Variants in TIAM2 observed in about 807,000 individuals in gnomAD.
TIAM2 encodes rho guanine nucleotide exchange factor TIAM2.
TIAM2 carries 80 observed loss-of-function variants against 152.9 expected under a neutral mutation model. The observed-to-expected ratio is 0.52, with a 90% confidence interval of 0.44 to 0.63. The LOEUF (loss-of-function observed/expected upper bound fraction) is 0.63. Among genes scored for constraint, TIAM2 ranks in the 30% least tolerant of loss-of-function variants. TIAM2 has a pLI of 0.00. For synonymous variants in TIAM2, 804 were observed against 838.0 expected (o/e 0.96, Z 0.70); for missense variants, 1,965 against 2,120.1 (o/e 0.93, Z 1.44).
At position 155,257,564 on chromosome 6, in the gene TIAM2, A is replaced by C. The variant is rs529764198; in HGVS notation, c.*443A>C. 4.6e-5 allele frequency: 17 copies of C among 373,192 alleles called. No homozygotes were observed. The Admixed American group carries it at 5.9e-4, about 13-fold the overall frequency. The allele number at this position is 373,192 out of a possible 1,614,324, so 23.1% of individuals were successfully genotyped here. A position where few individuals can be genotyped will look rare whatever the true frequency, so the allele number is the denominator to read the frequency against. Reference sequence around the variant, plus strand: ...TGTGGTTTAGGGGCAAAATGTGCAGATACTTCATTTTTGTAAGATAGATTG... The same window carrying C: ...TGTGGTTTAGGGGCAAAATGTGCAGCTACTTCATTTTTGTAAGATAGATTG... On this transcript the variant is annotated 3_prime_UTR_variant, in exon 27 of 27. Coordinates refer to ENST00000682666, the MANE Select transcript of TIAM2 (RefSeq NM_012454.4).
rs145410929 is a variant in TIAM2 at position 155,040,020 on chromosome 6, A to C, written c.-209+44528A>C. Among the ~76,000 whole-genome samples, 13 of 152,350 alleles carry C rather than the reference A, an allele frequency of 8.5e-5. 2 individuals are homozygous for C. Among genetic ancestry groups the C allele is most frequent in the African/African-American group, 3.1e-4 (13 of 41,582 alleles). On this transcript the variant is annotated intron_variant, in intron 1 of 26. Transcript: ENST00000682666. ...ATTTGTACTGTAATTTGTTATTACA[A>C]AGTGACCCTTGACCAAAACCAATTA...
intron 26 of TIAM2, 110 bp downstream of exon 26, chr6:155,254,683 G>T: frequency 1.4e-6 from 2 of 1,390,296 alleles, no homozygotes; most frequent in Non-Finnish European, 9.8e-7. Flanking sequence ...AGTCATCGAG[G>T]TACCTTTATC....
In TIAM2 at chr6:155,244,038, T is replaced by C. The variant is rs760122764; in HGVS notation, c.3376T>C (p.Leu1126=). The C allele has an allele frequency of 2.5e-6, 4 of 1,614,126 alleles. No individual in the cohort carries two copies. The South Asian group carries it at 4.4e-5, about 18-fold the overall frequency. The change falls in exon 17 of 27, where the codon TTG becomes CTG. Residue 1126 remains leucine (L), a synonymous_variant. Transcript: ENST00000682666. ...KDLSCLFELY[L]EPLQNETFLT... Reference sequence around the variant, plus strand: ...TTTGAGCTGCCTCTTTGAATTATACTTGGAGCCACTTCAGAATGAGACCTT... The same window carrying C: ...TTTGAGCTGCCTCTTTGAATTATACCTGGAGCCACTTCAGAATGAGACCTT...
At chr6:155,128,055 C>T (rs184649471) in intron 3 of TIAM2, among the ~76,000 whole-genome samples, 1 of 152,202 alleles carries the variant, frequency 6.6e-6, no homozygotes, top group East Asian at 1.9e-4. Context: ...CCCTTCCTCC[C>T]TCCCTCCTTC....
chr6:155,134,748 G>A (rs2008865), intron 4 of TIAM2, among the ~76,000 whole-genome samples: 40,628 of 151,618 alleles, frequency 0.27, 6,685 homozygotes, highest in Admixed American at 0.39. Flanking sequence ...CTCTGTCGCC[G>A]AGGCTGGAGT....
At chr6:155,038,042 T>C (rs942446760) in intron 1 of TIAM2, among the ~76,000 whole-genome samples, 2 of 152,174 alleles carry the variant, frequency 1.3e-5, no homozygotes, top group Non-Finnish European at 2.9e-5. Context: ...GAGTTTAAGA[T>C]TTTCCTTCTT....
intron 14 of TIAM2, among the ~76,000 whole-genome samples, chr6:155,196,321 A>G (rs926387535): frequency 6.6e-6 from 1 of 151,908 alleles, no homozygotes; most frequent in Admixed American, 6.6e-5. Flanking sequence ...TGGTTTGGGA[A>G]CTCCTTGTGT....
Position 155,144,674 on chromosome 6 carries a change from G to C in TIAM2, c.1699G>C (p.Ala567Pro). 1 of 1,608,892 alleles carries C rather than the reference G, an allele frequency of 6.2e-7. No individual in the cohort carries two copies. Among genetic ancestry groups the C allele is most frequent in the South Asian group, 1.1e-5 (1 of 89,730 alleles). ...GGATCAGAGCAGTGCCCCTCGGTGT[G>C]CTCTGTTTGCAGAAGACAGCATAGT... ...SMDQSSAPRCALFAEDSIVQS... is the reference protein window; with the variant it reads ...SMDQSSAPRCPLFAEDSIVQS... Residue 567 changes from alanine to proline, a missense_variant, in exon 6 of 27, where the codon GCT (alanine) becomes CCT (proline). Physicochemically the swap from Ala to Pro is conservative, Grantham distance 27 (BLOSUM62 -1). Coordinates refer to ENST00000682666, the MANE Select transcript of TIAM2 (RefSeq NM_012454.4).
At position 155,210,807 on chromosome 6, in the gene TIAM2, C is replaced by A. The variant is rs1197617063; in HGVS notation, c.3065-397C>A. Among the ~76,000 whole-genome samples the A allele has an allele frequency of 2.0e-5, 3 of 152,180 alleles. No homozygotes were observed. In the East Asian group the frequency reaches 5.8e-4, roughly 29 times the overall value. ...TATTCCATCATTGGTTTCCAAGATT[C>A]CCTGGTAATTTTGCCTTCACTTAGC... On this transcript the variant is annotated intron_variant, in intron 14 of 26. Coordinates refer to ENST00000682666, the MANE Select transcript of TIAM2 (RefSeq NM_012454.4).
At chr6:155,045,840 CTTT>C (rs11354850) in intron 1 of TIAM2, among the ~76,000 whole-genome samples, 15 of 60,494 alleles carry the variant, frequency 2.5e-4, no homozygotes, top group Non-Finnish European at 2.7e-4. Flanking sequence ...ATAGTGCCCT[CTTT>C]TTTTTTTTTT....
Position 155,164,133 on chromosome 6 carries a change from G to GTTTTTTTTT in TIAM2, c.2029-278_2029-270dup, listed in dbSNP as rs375238178. On this transcript the variant is annotated intron_variant, in intron 7 of 26. Coordinates refer to ENST00000682666, the MANE Select transcript of TIAM2 (RefSeq NM_012454.4). Reference sequence around the variant, plus strand: ...TGGCACCACACCAGCTAATTTTTGTGTTTTTTTTTTTTCTTTTTTTTAGTA... The same window carrying GTTTTTTTTT: ...TGGCACCACACCAGCTAATTTTTGTGTTTTTTTTTTTTTTTTTTTTTCTTTTTTTTAGTA... 1.7e-3 allele frequency among the ~76,000 whole-genome samples: 203 copies of GTTTTTTTTT among 117,942 alleles called. 25 individuals are homozygous for GTTTTTTTTT. The highest frequency in any genetic ancestry group is 1.9e-3 in the African/African-American group (66 of 34,102). The allele number at this position is 117,942 out of a possible 152,430, so 77.4% of individuals were successfully genotyped here. A position where few individuals can be genotyped will look rare whatever the true frequency, so the allele number is the denominator to read the frequency against.
At chr6:155,028,835 AT>A (rs1776711668) in intron 1 of TIAM2, among the ~76,000 whole-genome samples, 2 of 133,546 alleles carry the variant, frequency 1.5e-5, no homozygotes, top group South Asian at 2.3e-4. Context: ...TGTGTTATAT[AT>A]ATACTATGTT....
chr6:155,178,048 C>T (rs1194771221), intron 10 of TIAM2, among the ~76,000 whole-genome samples: 1 of 151,742 alleles, frequency 6.6e-6, no homozygotes, highest in Non-Finnish European at 1.5e-5. Context: ...GTAGTCCCAG[C>T]TACTCGGGAG....
chr6:155,088,173 G>A (rs913295745), intron 1 of TIAM2, among the ~76,000 whole-genome samples: 1 of 150,636 alleles, frequency 6.6e-6, no homozygotes. Flanking sequence ...TTCTGCCTCA[G>A]CCTCCGGAGT....
chr6:155,009,875 C>G (rs542807841), intron 1 of TIAM2, among the ~76,000 whole-genome samples: 1 of 151,812 alleles, frequency 6.6e-6, no homozygotes, highest in East Asian at 1.9e-4. Flanking sequence ...TTTTTCCAGG[C>G]TGAGTCTCAC....
chr6:155,046,114 C>G (rs990578603), intron 1 of TIAM2, among the ~76,000 whole-genome samples: 1 of 151,964 alleles, frequency 6.6e-6, no homozygotes, highest in Non-Finnish European at 1.5e-5. Flanking sequence ...AGGCTTCCCA[C>G]CTCCCGAGGT....
At chr6:155,098,640 A>G (rs989962294) in intron 2 of TIAM2, among the ~76,000 whole-genome samples, 52 of 152,338 alleles carry the variant, frequency 3.4e-4, no homozygotes, top group Middle Eastern at 3.4e-3. Flanking sequence ...TTTGAACAAA[A>G]GGGTAATTTG....
chr6:155,082,622 C>G (rs1778089072), intron 1 of TIAM2, among the ~76,000 whole-genome samples: 1 of 150,390 alleles, frequency 6.6e-6, no homozygotes, highest in South Asian at 2.1e-4. Context: ...TGCACTCCGG[C>G]CTGGGCAACA....
chr6:155,251,637 A>G (rs1047791791), intron 22 of TIAM2, among the ~76,000 whole-genome samples: 3 of 152,196 alleles, frequency 2.0e-5, no homozygotes, highest in Non-Finnish European at 4.4e-5. Flanking sequence ...TTTAATTCTG[A>G]GAGTTGGGAG....
Sources: allele counts gnomAD v4.1 joint callset (sites outside exome capture counted in the v4.1 genomes callset), GRCh38; gene constraint gnomAD v4.1.1; transcripts MANE v1.5; gene names NCBI Gene and HGNC (gene_info 2026-07-23, HGNC 2026-07-21).